FBXL20: variants seen among roughly 807,000 people sequenced by gnomAD.
FBXL20 encodes the protein F-box/LRR-repeat protein 20.
FBXL20 carries 11 observed loss-of-function variants against 64.0 expected under a neutral mutation model. The ratio of observed to expected loss-of-function variants is 0.17; its 90% CI spans 0.11 to 0.28. FBXL20 has a LOEUF of 0.28. Ranked by LOEUF, FBXL20 falls within the 10% of genes least tolerant of loss-of-function variation. The pLI is 1.00. For missense variants in FBXL20, 303 were observed against 526.2 expected, an observed-to-expected ratio of 0.58 and a Z score of 4.15; for synonymous variants, 184 against 189.0, an observed-to-expected ratio of 0.97 and a Z score of 0.22.
intron 2 of FBXL20, among the ~76,000 whole-genome samples, chr17:39,312,800 T>C (rs543259970): frequency 6.6e-6 from 1 of 150,676 alleles, no homozygotes; most frequent in East Asian, 2.0e-4. Flanking sequence ...ATGGTCTCCA[T>C]CTCCTGACCT....
chr17:39,346,724 G>C (rs993483503), intron 1 of FBXL20, among the ~76,000 whole-genome samples: 1 of 151,938 alleles, frequency 6.6e-6, no homozygotes, highest in Non-Finnish European at 1.5e-5. Flanking sequence ...TTAAGTTCTA[G>C]GGTACATGTG....
chr17:39,331,725 A>G (rs924902944), intron 2 of FBXL20, among the ~76,000 whole-genome samples: 3 of 152,216 alleles, frequency 2.0e-5, no homozygotes, highest in Admixed American at 6.5e-5. Context: ...TTATTTCTAT[A>G]CATCTAATGT....
chr17:39,290,693 A>G (rs985452948), intron 6 of FBXL20, among the ~76,000 whole-genome samples: 2 of 151,804 alleles, frequency 1.3e-5, no homozygotes, highest in East Asian at 3.9e-4. Context: ...GCCTCCGAGT[A>G]GATAGGAACA....
chr17:39,275,303 G>T (rs1338155772), intron 9 of FBXL20, among the ~76,000 whole-genome samples: 1 of 152,110 alleles, frequency 6.6e-6, no homozygotes, highest in Non-Finnish European at 1.5e-5. Flanking sequence ...GGTGCAAAGG[G>T]AAGAAGCTAT....
chr17:39,282,954 T>C (rs1288558933), intron 7 of FBXL20, 99 bp from the exon 8 acceptor site: 10 of 1,342,164 alleles, frequency 7.5e-6, no homozygotes, highest in Non-Finnish European at 8.4e-6. Context: ...AATGGAAACA[T>C]TCCCATTTTT....
chr17:39,291,560 A>G (rs977409973), intron 6 of FBXL20, among the ~76,000 whole-genome samples: 6 of 151,040 alleles, frequency 4.0e-5, no homozygotes, highest in Non-Finnish European at 5.9e-5. Flanking sequence ...CAGTCTCCCA[A>G]GTATCTGGGA....
chr17:39,388,803 CT>C (rs953486154), intron 1 of FBXL20, among the ~76,000 whole-genome samples: 1 of 145,000 alleles, frequency 6.9e-6, no homozygotes, highest in Non-Finnish European at 1.5e-5. Context: ...TTTTGTTGTG[CT>C]TTAAAAAATT....
At chr17:39,332,114 T>C (rs1383784376) in intron 2 of FBXL20, among the ~76,000 whole-genome samples, 1 of 152,228 alleles carries the variant, frequency 6.6e-6, no homozygotes. Flanking sequence ...TTAATGCTTT[T>C]CAAAGGAAGG....
intron 2 of FBXL20, among the ~76,000 whole-genome samples, chr17:39,318,972 C>G (rs181537273): frequency 1.3e-5 from 2 of 151,924 alleles, no homozygotes; most frequent in African/African-American, 4.8e-5. Flanking sequence ...AATTCTGAGC[C>G]GGGTGTGGTG....
At chr17:39,294,690 A>G (rs932260983) in intron 6 of FBXL20, among the ~76,000 whole-genome samples, 1 of 152,158 alleles carries the variant, frequency 6.6e-6, no homozygotes, top group African/African-American at 2.4e-5. Context: ...TGATTTTAAG[A>G]TATTGTTTTT....
At chr17:39,402,120 G>A (rs2048254204), upstream of FBXL20, 2 of 1,227,914 alleles carry the variant, frequency 1.6e-6, no homozygotes, top group Non-Finnish European at 2.0e-6. Flanking sequence ...CCAGGATCCT[G>A]TAAGGCACCC....
intron 9 of FBXL20, among the ~76,000 whole-genome samples, chr17:39,277,470 T>C (rs1237356801): frequency 2.6e-5 from 4 of 152,042 alleles, no homozygotes; most frequent in Non-Finnish European, 4.4e-5. Context: ...CTTTAAAAAA[T>C]TGTAGGCCAG....
chr17:39,341,183 C>A (rs1409667612), intron 2 of FBXL20, among the ~76,000 whole-genome samples: 1 of 151,908 alleles, frequency 6.6e-6, no homozygotes, highest in Admixed American at 6.6e-5. Flanking sequence ...TTCATTTGGC[C>A]TCCAATTTAG....
At chr17:39,394,068 C>G (rs1030974933) in intron 1 of FBXL20, among the ~76,000 whole-genome samples, 14 of 152,084 alleles carry the variant, frequency 9.2e-5, no homozygotes, top group Admixed American at 9.2e-4. Context: ...GGGGTCTGAT[C>G]TAAGAATTCG....
intron 1 of FBXL20, among the ~76,000 whole-genome samples, chr17:39,351,167 T>G (rs559415058): frequency 5.3e-5 from 8 of 152,058 alleles, no homozygotes; most frequent in Non-Finnish European, 1.0e-4. Flanking sequence ...AAACCCCATC[T>G]CTACTAAAAA....
chr17:39,379,017 C>T (rs1243072454), intron 1 of FBXL20, among the ~76,000 whole-genome samples: 1 of 150,222 alleles, frequency 6.7e-6, no homozygotes, highest in African/African-American at 2.4e-5. Flanking sequence ...CACCTGAGGT[C>T]GGGAGTTCAA....
chr17:39,367,073 C>T (rs1024887916), intron 1 of FBXL20, among the ~76,000 whole-genome samples: 8 of 150,778 alleles, frequency 5.3e-5, no homozygotes, highest in East Asian at 2.0e-4. Flanking sequence ...TTAGTAGAGA[C>T]GGGGTTTCGG....
At chr17:39,402,185 C>T (rs2048254719), upstream of FBXL20, 1 of 1,232,642 alleles carries the variant, frequency 8.1e-7, no homozygotes, top group Admixed American at 4.2e-5. Flanking sequence ...TCGCCTTGAA[C>T]CCAAAGTGCA....
rs1008741843 is a variant in FBXL20 at position 39,318,097 on chromosome 17, TA to T, written c.105-14459del. Among the ~76,000 whole-genome samples, 355 of 151,704 alleles carry T rather than the reference TA, an allele frequency of 2.3e-3. 2 individuals carry two copies. Among genetic ancestry groups the T allele is most frequent in the Non-Finnish European group, 3.7e-3 (251 of 67,860 alleles). On this transcript the variant is annotated intron_variant, in intron 2 of 14. Transcript: ENST00000264658. The stretch of plus-strand genomic sequence containing the variant: ...GTAAAATCCCTGCCCTCAAGCCATA[TA>T]AAAAAAAATTCCTATGATAGCTTTA...
Sources: allele counts gnomAD v4.1 joint callset (sites outside exome capture counted in the v4.1 genomes callset), GRCh38; gene constraint gnomAD v4.1.1; transcripts MANE v1.5; gene names NCBI Gene and HGNC (gene_info 2026-07-23, HGNC 2026-07-21).